The following FHIT variants were observed in gnomAD, a reference collection of about 807,000 sequenced individuals.
The protein encoded by FHIT is bis(5'-adenosyl)-triphosphatase.
Under a neutral mutation model 17.9 loss-of-function variants are expected in FHIT, and 19 were observed. The observed-to-expected ratio is 1.06, with a 90% CI of 0.74 to 1.56. FHIT has a LOEUF of 1.56. Among genes scored for constraint, FHIT ranks in the 40% most tolerant of loss-of-function variants. The pLI is 0.00. For missense variants in FHIT, 248 were observed against 189.2 expected, an observed-to-expected ratio of 1.31 and a Z score of -1.82; for synonymous variants, 81 against 69.7, an observed-to-expected ratio of 1.16 and a Z score of -0.81.
intron 8 of FHIT, among the ~76,000 whole-genome samples, chr3:59,869,502 G>A (rs12108078): frequency 2.9e-5 from 1 of 34,270 alleles, no homozygotes; most frequent in South Asian, 8.0e-4. Flanking sequence ...TTTTTTTTTA[G>A]ACAGAGTCTC....
At chr3:60,173,312 T>C (rs1320688057) in intron 5 of FHIT, among the ~76,000 whole-genome samples, 2 of 152,190 alleles carry the variant, frequency 1.3e-5, no homozygotes, top group Non-Finnish European at 2.9e-5. Flanking sequence ...TGGCCTTCTA[T>C]TCACCAGTGA....
intron 3 of FHIT, among the ~76,000 whole-genome samples, chr3:61,025,512 TTC>T (rs1354290838): frequency 6.6e-6 from 1 of 152,048 alleles, no homozygotes; most frequent in African/African-American, 2.4e-5. Flanking sequence ...CATGAAAATC[TTC>T]TCTCTTCCTT....
Position 60,966,567 on chromosome 3 carries a change from C to T in FHIT, c.-111+75480G>A, listed in dbSNP as rs570543578. Among the ~76,000 whole-genome samples, 57 of 152,304 alleles carry T rather than the reference C, an allele frequency of 3.7e-4. 1 individual carries two copies. In the South Asian group the frequency reaches 0.011, roughly 29 times the overall value. On this transcript the variant is annotated intron_variant, in intron 3 of 9. Transcript: ENST00000492590. Reference sequence around the variant, plus strand: ...TGTTCCTATTCAGCCATCTTGGAACCTCCTCCCATGATGACTATAAGGGAG... The same window carrying T: ...TGTTCCTATTCAGCCATCTTGGAACTTCCTCCCATGATGACTATAAGGGAG...
At chr3:60,515,036 C>T (rs1015748431) in intron 5 of FHIT, among the ~76,000 whole-genome samples, 1 of 151,730 alleles carries the variant, frequency 6.6e-6, no homozygotes, top group African/African-American at 2.4e-5. Context: ...CAGTGACCTC[C>T]GACAGACAAG....
chr3:59,841,594 C>T (rs1701535837), intron 8 of FHIT, among the ~76,000 whole-genome samples: 1 of 152,156 alleles, frequency 6.6e-6, no homozygotes, highest in Non-Finnish European at 1.5e-5. Context: ...TTGCCCACTC[C>T]TGTTTCTGCC....
chr3:59,789,518 A>G (rs1025470768), intron 8 of FHIT, among the ~76,000 whole-genome samples: 2 of 152,164 alleles, frequency 1.3e-5, no homozygotes, highest in African/African-American at 2.4e-5. Flanking sequence ...TCTTATTCTC[A>G]CTTAACTCAT....
chr3:61,231,935 T>TA (rs2040113889), intron 1 of FHIT, among the ~76,000 whole-genome samples: 2 of 152,156 alleles, frequency 1.3e-5, no homozygotes, highest in Non-Finnish European at 2.9e-5. Context: ...AAATTCTGAA[T>TA]AATGAAAATA....
intron 4 of FHIT, among the ~76,000 whole-genome samples, chr3:60,551,323 T>C (rs1461981974): frequency 6.7e-6 from 1 of 149,012 alleles, no homozygotes; most frequent in Non-Finnish European, 1.5e-5. Flanking sequence ...GATTTTACTA[T>C]TGTACATTAA....
At chr3:60,472,843 G>A (rs959865573) in intron 5 of FHIT, among the ~76,000 whole-genome samples, 3 of 152,088 alleles carry the variant, frequency 2.0e-5, no homozygotes, top group Non-Finnish European at 4.4e-5. Context: ...AGTTGGGGGT[G>A]GGGGTGGAGA....
intron 8 of FHIT, among the ~76,000 whole-genome samples, chr3:59,818,429 C>T (rs1251184556): frequency 6.6e-6 from 1 of 152,146 alleles, no homozygotes; most frequent in East Asian, 1.9e-4. Context: ...GAAACACCAG[C>T]TTCCCTTCTT....
At chr3:60,506,704 A>G (rs1329630933) in intron 5 of FHIT, among the ~76,000 whole-genome samples, 1 of 152,148 alleles carries the variant, frequency 6.6e-6, no homozygotes, top group African/African-American at 2.4e-5. Context: ...GCCCTCTACC[A>G]TAGGAGCAAA....
intron 8 of FHIT, among the ~76,000 whole-genome samples, chr3:59,906,613 T>G (rs770853325): frequency 6.6e-6 from 1 of 152,238 alleles, no homozygotes; most frequent in South Asian, 2.1e-4. Context: ...TGGATCTCAA[T>G]GGCCTGCGTG....
intron 5 of FHIT, among the ~76,000 whole-genome samples, chr3:60,020,600 G>A (rs1700519348): frequency 6.6e-6 from 1 of 152,180 alleles, no homozygotes; most frequent in Non-Finnish European, 1.5e-5. Context: ...CTCGACTGCA[G>A]ATCTGTGTGT....
chr3:60,659,619 T>C (rs1553690546), intron 4 of FHIT, among the ~76,000 whole-genome samples: 1 of 152,202 alleles, frequency 6.6e-6, no homozygotes, highest in Non-Finnish European at 1.5e-5. Flanking sequence ...TCGTTCTATT[T>C]TTACTTTTTC....
chr3:61,032,087 T>C (rs985184881), intron 3 of FHIT, among the ~76,000 whole-genome samples: 2 of 152,208 alleles, frequency 1.3e-5, no homozygotes, highest in Non-Finnish European at 1.5e-5. Context: ...ACGTCAGTGA[T>C]TGGAGTCCAG....
chr3:60,067,258 A>G (rs868515568), intron 5 of FHIT, among the ~76,000 whole-genome samples: 1 of 152,206 alleles, frequency 6.6e-6, no homozygotes, highest in Non-Finnish European at 1.5e-5. Context: ...CTAAATAGAT[A>G]TGGAAGTCTA....
chr3:60,530,051 G>C (rs920764556), intron 5 of FHIT, among the ~76,000 whole-genome samples: 15 of 152,118 alleles, frequency 9.9e-5, no homozygotes, highest in African/African-American at 3.4e-4. Context: ...CTCCTGTAAT[G>C]CATAATCAGG....
At chr3:60,523,912 T>C (rs17063440) in intron 5 of FHIT, among the ~76,000 whole-genome samples, 4,454 of 152,292 alleles carry the variant, frequency 0.029, 196 homozygotes, top group African/African-American at 0.099. Flanking sequence ...GTTAGGTACA[T>C]AGAAATCCTG....
At chr3:61,020,444 G>A (rs1430616707) in intron 3 of FHIT, among the ~76,000 whole-genome samples, 1 of 152,042 alleles carries the variant, frequency 6.6e-6, no homozygotes, top group Middle Eastern at 3.4e-3. Flanking sequence ...TTAGCACTTT[G>A]TCTGATGGAT....
Sources: allele counts gnomAD v4.1 joint callset (sites outside exome capture counted in the v4.1 genomes callset), GRCh38; gene constraint gnomAD v4.1.1; transcripts MANE v1.5; gene names NCBI Gene and HGNC (gene_info 2026-07-23, HGNC 2026-07-21).